The following CXCL13 variants were observed in gnomAD, a reference collection of about 807,000 sequenced individuals.
CXCL13 encodes the protein C-X-C motif chemokine 13.
In CXCL13, 7 loss-of-function variants were observed where a neutral mutation model predicts 12.2. The observed-to-expected ratio is 0.57, with a 90% CI of 0.33 to 1.07. The LOEUF (loss-of-function observed/expected upper bound fraction) is 1.07, where lower values mean the gene tolerates loss of function less well. Ranked by LOEUF, CXCL13 falls within the 50% of genes least tolerant of loss-of-function variation. The pLI is 0.04. For missense variants in CXCL13, 113 were observed against 127.4 expected (o/e 0.89, Z 0.55); for synonymous variants, 47 against 42.4 (o/e 1.11, Z -0.42).
intron 1 of CXCL13, among the ~76,000 whole-genome samples, chr4:77,590,671 C>T (rs151046324): frequency 2.0e-5 from 3 of 152,282 alleles, no homozygotes; most frequent in East Asian, 3.9e-4. Flanking sequence ...ATGAATTATT[C>T]GCTCTCCTGT....
At chr4:77,592,601 T>G (rs1298293254) in intron 1 of CXCL13, among the ~76,000 whole-genome samples, 1 of 150,894 alleles carries the variant, frequency 6.6e-6, no homozygotes, top group African/African-American at 2.5e-5. Flanking sequence ...AGTTTGTCAA[T>G]ATATAATGAA....
intron 1 of CXCL13, among the ~76,000 whole-genome samples, chr4:77,568,201 C>T (rs929933141): frequency 2.0e-5 from 3 of 152,162 alleles, no homozygotes; most frequent in African/African-American, 7.2e-5. Context: ...CTCCTTTTGT[C>T]CAGATTCAAC....
At chr4:77,609,843 C>A (rs182110590) in intron 2 of CXCL13, among the ~76,000 whole-genome samples, 6 of 152,266 alleles carry the variant, frequency 3.9e-5, no homozygotes, top group African/African-American at 1.4e-4. Context: ...TCATTTGAAT[C>A]CTTCTGTATC....
At chr4:77,531,527 T>C (rs1374648069) in intron 1 of CXCL13, among the ~76,000 whole-genome samples, 2 of 152,100 alleles carry the variant, frequency 1.3e-5, no homozygotes, top group South Asian at 2.1e-4. Flanking sequence ...ATTCTGTTGA[T>C]TTGGGATGGA....
intron 1 of CXCL13, among the ~76,000 whole-genome samples, chr4:77,590,147 GAT>G (rs1464575290): frequency 6.6e-6 from 1 of 152,132 alleles, no homozygotes; most frequent in Non-Finnish European, 1.5e-5. Context: ...GAAAAGGTAA[GAT>G]ATATTTTTAA....
At chr4:77,606,378 T>C (rs563660928) in intron 1 of CXCL13, among the ~76,000 whole-genome samples, 119 of 152,310 alleles carry the variant, frequency 7.8e-4, no homozygotes, top group African/African-American at 2.8e-3. Context: ...TACACCACTG[T>C]CAGTACACCA....
intron 1 of CXCL13, among the ~76,000 whole-genome samples, chr4:77,565,601 A>G (rs2109815382): frequency 6.6e-6 from 1 of 152,338 alleles, no homozygotes; most frequent in African/African-American, 2.4e-5. Flanking sequence ...GGTAGGAGCC[A>G]GAATTAATTG....
intron 1 of CXCL13, among the ~76,000 whole-genome samples, chr4:77,555,881 CCATAAAGTTAAAGCCA>C (rs1725645191): frequency 6.6e-6 from 1 of 152,048 alleles, no homozygotes; most frequent in Admixed American, 6.6e-5. Context: ...ACATTTTCAG[CCATAAAGTTAAAGCCA>C]CATTGATATA....
intron 1 of CXCL13, among the ~76,000 whole-genome samples, chr4:77,591,686 C>T (rs1352615798): frequency 1.3e-5 from 2 of 152,044 alleles, no homozygotes; most frequent in Non-Finnish European, 2.9e-5. Flanking sequence ...CTCTGGAATC[C>T]ACATGTGTAC....
chr4:77,589,567 C>T (rs1019728183), intron 1 of CXCL13, among the ~76,000 whole-genome samples: 1 of 151,632 alleles, frequency 6.6e-6, no homozygotes, highest in South Asian at 2.1e-4. Context: ...AAAAAAAAAA[C>T]CTAGTACATA....
chr4:77,542,813 G>A (rs948726407), intron 1 of CXCL13, among the ~76,000 whole-genome samples: 15 of 152,214 alleles, frequency 9.9e-5, no homozygotes, highest in African/African-American at 3.6e-4. Context: ...AGGGATATTG[G>A]CCTATAGTTT....
intron 1 of CXCL13, among the ~76,000 whole-genome samples, chr4:77,520,760 G>C (rs1408887071): frequency 1.3e-5 from 2 of 152,166 alleles, no homozygotes; most frequent in Non-Finnish European, 2.9e-5. Flanking sequence ...ATGTTGAATA[G>C]GAGTGGTGAG....
chr4:77,544,905 T>A (rs180671330), intron 1 of CXCL13, among the ~76,000 whole-genome samples: 1 of 152,322 alleles, frequency 6.6e-6, no homozygotes, highest in African/African-American at 2.4e-5. Flanking sequence ...CTTTAATCCA[T>A]CTTGAATTAA....
chr4:77,517,239 T>A (rs1320517313), intron 1 of CXCL13, among the ~76,000 whole-genome samples: 3 of 152,200 alleles, frequency 2.0e-5, no homozygotes, highest in Non-Finnish European at 4.4e-5. Context: ...ATGTGGTCAA[T>A]TTTGGAATAG....
intron 1 of CXCL13, among the ~76,000 whole-genome samples, chr4:77,523,113 C>T (rs1373758459): frequency 6.6e-6 from 1 of 152,144 alleles, no homozygotes; most frequent in Non-Finnish European, 1.5e-5. Flanking sequence ...TGTGGGTAAC[C>T]CGACCTTTCT....
intron 1 of CXCL13, among the ~76,000 whole-genome samples, chr4:77,540,680 C>T (rs892086168): frequency 4.6e-5 from 7 of 152,134 alleles, no homozygotes; most frequent in African/African-American, 1.7e-4. Flanking sequence ...CTGATGGACA[C>T]CTAGGCTGAT....
intron 1 of CXCL13, among the ~76,000 whole-genome samples, chr4:77,590,550 C>G (rs1256540121): frequency 6.6e-6 from 1 of 152,186 alleles, no homozygotes; most frequent in East Asian, 1.9e-4. Context: ...TGGAAAAACG[C>G]TCAAGAACAG....
intron 1 of CXCL13, among the ~76,000 whole-genome samples, chr4:77,572,417 G>C (rs1726107516): frequency 1.3e-5 from 2 of 151,676 alleles, no homozygotes; most frequent in South Asian, 4.1e-4. Flanking sequence ...AAAAAAAATA[G>C]TGGACAAAGG....
chr4:77,610,497 G>A (rs1039106619), intron 2 of CXCL13, 117 bp from the exon 3 acceptor site: 6 of 793,352 alleles, frequency 7.6e-6, no homozygotes, highest in Non-Finnish European at 1.2e-5. Context: ...AAACTGCCCA[G>A]CTCCAATTTC....
Sources: allele counts gnomAD v4.1 joint callset (sites outside exome capture counted in the v4.1 genomes callset), GRCh38; gene constraint gnomAD v4.1.1; transcripts MANE v1.5; gene names NCBI Gene and HGNC (gene_info 2026-07-23, HGNC 2026-07-21).